The following PPP2R2B variants were observed in gnomAD, a reference collection of about 807,000 sequenced individuals.
PPP2R2B encodes the protein protein phosphatase 2 regulatory subunit Bbeta, also known as serine/threonine-protein phosphatase 2A 55 kDa regulatory subunit B beta isoform.
In PPP2R2B, 5 loss-of-function variants were observed where a neutral mutation model predicts 46.0. The observed-to-expected ratio is 0.11, with a 90% CI of 0.06 to 0.23. PPP2R2B has a LOEUF of 0.23. Among genes scored for constraint, PPP2R2B ranks in the 10% least tolerant of loss-of-function variants. The pLI is 1.00. For synonymous variants in PPP2R2B, 215 were observed against 206.7 expected (o/e 1.04, Z -0.34); for missense variants, 367 against 575.0 (o/e 0.64, Z 3.70).
At chr5:146,939,687 GC>G (rs1561531177) in intron 1 of PPP2R2B, among the ~76,000 whole-genome samples, 2 of 152,114 alleles carry the variant, frequency 1.3e-5, no homozygotes, top group African/African-American at 4.8e-5. Flanking sequence ...TAGTATTCCT[GC>G]TTGAATAGGA....
intron 2 of PPP2R2B, among the ~76,000 whole-genome samples, chr5:146,818,881 G>T (rs1758089798): frequency 6.6e-6 from 1 of 152,198 alleles, no homozygotes; most frequent in Non-Finnish European, 1.5e-5. Context: ...CCGATGTAAA[G>T]ATAGTGTCTG....
intron 1 of PPP2R2B, among the ~76,000 whole-genome samples, chr5:146,994,857 C>G (rs1299071251): frequency 6.6e-6 from 1 of 152,112 alleles, no homozygotes; most frequent in Non-Finnish European, 1.5e-5. Flanking sequence ...AGTTCTTGCT[C>G]TTATGGATTT....
chr5:146,990,922 C>T (rs1418909811), intron 1 of PPP2R2B, among the ~76,000 whole-genome samples: 1 of 151,956 alleles, frequency 6.6e-6, no homozygotes, highest in Admixed American at 6.6e-5. Context: ...CATGAATAGA[C>T]ATTTCTCAAA....
At chr5:146,764,383 G>A (rs548013322) in intron 2 of PPP2R2B, among the ~76,000 whole-genome samples, 1 of 152,146 alleles carries the variant, frequency 6.6e-6, no homozygotes, top group Non-Finnish European at 1.5e-5. Context: ...TTATTATTTC[G>A]CAGGAGTATT....
At chr5:146,633,783 T>C (rs1480131232) in intron 7 of PPP2R2B, among the ~76,000 whole-genome samples, 3 of 152,076 alleles carry the variant, frequency 2.0e-5, no homozygotes, top group African/African-American at 7.2e-5. Flanking sequence ...GCTCCCTGGG[T>C]GTGTGGCTTG....
intron 1 of PPP2R2B, among the ~76,000 whole-genome samples, chr5:146,887,165 A>G (rs1335406774): frequency 6.6e-6 from 1 of 152,122 alleles, no homozygotes; most frequent in Non-Finnish European, 1.5e-5. Flanking sequence ...CATATAATCA[A>G]TAAAGAATTA....
intron 2 of PPP2R2B, among the ~76,000 whole-genome samples, chr5:146,747,472 A>G (rs1753263931): frequency 6.6e-6 from 1 of 152,244 alleles, no homozygotes; most frequent in Non-Finnish European, 1.5e-5. Context: ...CAATAGTGAT[A>G]TTAAACCTCT....
At chr5:146,736,638 C>T (rs924345695) in intron 2 of PPP2R2B, among the ~76,000 whole-genome samples, 35 of 152,176 alleles carry the variant, frequency 2.3e-4, no homozygotes, top group African/African-American at 8.0e-4. Context: ...CCCCCAGCAC[C>T]ACCCCCTTTC....
chr5:146,670,697 T>C (rs780557051), intron 5 of PPP2R2B, among the ~76,000 whole-genome samples: 7 of 152,016 alleles, frequency 4.6e-5, no homozygotes, highest in Non-Finnish European at 7.4e-5. Flanking sequence ...GGTTTCATCA[T>C]GTCAGCCAGG....
At chr5:146,590,398 G>GTT (rs1221281341) in intron 9 of PPP2R2B, among the ~76,000 whole-genome samples, 172 bp from the exon 10 acceptor site, 2,592 of 113,340 alleles carry the variant, frequency 0.023, 37 homozygotes, top group Non-Finnish European at 0.028. Context: ...TTTTTTTTGT[G>GTT]TTTTTTTTTT....
intron 1 of PPP2R2B, among the ~76,000 whole-genome samples, chr5:146,954,326 A>G (rs990332598): frequency 2.0e-5 from 3 of 152,216 alleles, no homozygotes; most frequent in African/African-American, 7.2e-5. Flanking sequence ...TTTTAAGCAG[A>G]TCAGTTGGAC....
intron 2 of PPP2R2B, chr5:146,856,477 G>C: frequency 6.6e-7 from 1 of 1,511,226 alleles, no homozygotes; most frequent in Non-Finnish European, 9.2e-7. Flanking sequence ...AGAAGAGTAG[G>C]TATAAATAAT....
intron 3 of PPP2R2B, among the ~76,000 whole-genome samples, chr5:146,700,184 C>T (rs953712549): frequency 1.3e-5 from 2 of 152,082 alleles, no homozygotes; most frequent in African/African-American, 4.8e-5. Context: ...CTTGTGAAAC[C>T]TTCCTCTCAC....
intron 2 of PPP2R2B, among the ~76,000 whole-genome samples, chr5:146,750,002 T>C (rs1176733246): frequency 6.6e-6 from 1 of 152,228 alleles, no homozygotes; most frequent in East Asian, 1.9e-4. Flanking sequence ...TTTGTGCCTA[T>C]GGGAGTTCAA....
At chr5:147,079,380 G>A (rs1757898700) in intron 2 of PPP2R2B, among the ~76,000 whole-genome samples, 2 of 144,432 alleles carry the variant, frequency 1.4e-5, no homozygotes, top group Admixed American at 1.4e-4. Flanking sequence ...TATAATATGT[G>A]ATATAAAATG....
Position 146,868,999 on chromosome 5 carries a change from G to A in PPP2R2B, c.70+9003C>T, listed in dbSNP as rs573112421. 5.3e-5 allele frequency among the ~76,000 whole-genome samples: 8 copies of A among 152,300 alleles called. No homozygotes were observed. The East Asian group carries it at 9.7e-4, about 18-fold the overall frequency. ...CCTATACAAGTAAACTGGATTACAT[G>A]AGAAAAATACTTTAAGGCTCTAAGC... On this transcript the variant is annotated intron_variant, in intron 2 of 9. Coordinates refer to ENST00000394411, the MANE Select transcript of PPP2R2B (RefSeq NM_181675.4).
intron 5 of PPP2R2B, among the ~76,000 whole-genome samples, chr5:146,684,399 T>C (rs990714715): frequency 1.3e-5 from 2 of 152,192 alleles, no homozygotes; most frequent in African/African-American, 2.4e-5. Context: ...TATTACGACA[T>C]AGGTACCTCA....
At chr5:146,866,645 CAT>C (rs34287861) in intron 2 of PPP2R2B, among the ~76,000 whole-genome samples, 2,773 of 152,126 alleles carry the variant, frequency 0.018, 90 homozygotes, top group African/African-American at 0.063. Context: ...TATACACACA[CAT>C]ATATATGCAC....
chr5:146,983,443 G>C (rs914544176), intron 1 of PPP2R2B, among the ~76,000 whole-genome samples: 1 of 152,132 alleles, frequency 6.6e-6, no homozygotes, highest in African/African-American at 2.4e-5. Context: ...GCCTCCCAAA[G>C]TGCTGGGATT....
Sources: allele counts gnomAD v4.1 joint callset (sites outside exome capture counted in the v4.1 genomes callset), GRCh38; gene constraint gnomAD v4.1.1; transcripts MANE v1.5; gene names NCBI Gene and HGNC (gene_info 2026-07-23, HGNC 2026-07-21).